Variants in NRXN2 observed in about 807,000 individuals in gnomAD.
The protein encoded by NRXN2 is neurexin 2.
In NRXN2, 29 loss-of-function variants were observed where a neutral mutation model predicts 128.8. The observed-to-expected ratio is 0.23, with a 90% CI of 0.17 to 0.31. The LOEUF (loss-of-function observed/expected upper bound fraction) is 0.31, where lower values mean the gene tolerates loss of function less well. Ranked by LOEUF, NRXN2 falls within the 10% of genes least tolerant of loss-of-function variation. NRXN2 has a pLI of 1.00. For synonymous variants in NRXN2, 1,098 were observed against 1,075.2 expected (o/e 1.02, Z -0.41); for missense variants, 1,881 against 2,452.6 (o/e 0.77, Z 4.92).
chr11:64,633,521 G>C (rs2044242321), intron 18 of NRXN2, among the ~76,000 whole-genome samples: 1 of 152,192 alleles, frequency 6.6e-6, no homozygotes, highest in African/African-American at 2.4e-5. Context: ...TGCAAGCCAT[G>C]CAGAGCTTCG....
At chr11:64,654,052 G>A (rs2047900191) in intron 11 of NRXN2, among the ~76,000 whole-genome samples, 1 of 152,176 alleles carries the variant, frequency 6.6e-6, no homozygotes, top group Non-Finnish European at 1.5e-5. Flanking sequence ...AGTCGTACAG[G>A]GGATCAATGG....
In NRXN2 at chr11:64,630,927, G is replaced by C. The variant is rs2043813824; in HGVS notation, c.3586-354C>G. 6.6e-6 allele frequency among the ~76,000 whole-genome samples: 1 copy of C among 152,220 alleles called. No individual in the cohort carries two copies. Among genetic ancestry groups the C allele is most frequent in the Admixed American group, 6.5e-5 (1 of 15,288 alleles). On this transcript the variant is annotated intron_variant, in intron 18 of 22. Transcript: ENST00000265459. This position sits in a 1 kb window ranked among gnomAD's most constrained non-coding sequence, Gnocchi z 4.6. ...GGGCCAAGCTGGGGACCAGCTCGGG[G>C]CATGGAGGGCAGAGGCCTCTCTAAG...
In NRXN2 at chr11:64,713,897, C is replaced by G. The variant is rs1484354205; in HGVS notation, c.-198G>C. 1 of 171,710 alleles carries G rather than the reference C, an allele frequency of 5.8e-6. No homozygotes were observed. The highest frequency in any genetic ancestry group is 1.8e-4 in the East Asian group (1 of 5,596). The allele number at this position is 171,710 out of a possible 1,614,324, so 10.6% of individuals were successfully genotyped here. A position where few individuals can be genotyped will look rare whatever the true frequency, so the allele number is the denominator to read the frequency against. ...GGCTTCCCTCAGGCGGCGGCGGCGGCGCCCCTCCCCCGCCGCGGGCTCCGA... is the reference window on the plus strand; with the variant it reads ...GGCTTCCCTCAGGCGGCGGCGGCGGGGCCCCTCCCCCGCCGCGGGCTCCGA... On this transcript the variant is annotated 5_prime_UTR_variant, in exon 2 of 23. Transcript: ENST00000265459.
rs2057179668 is a variant in NRXN2 at position 64,713,726 on chromosome 11, G to A, written c.-27C>T. The stretch of plus-strand genomic sequence containing the variant: ...CCTACGGCGGCCCCGGCCCCGCCCG[G>A]CCCCCGGCCCCCGCTCAGGCTTCAG... On this transcript the variant is annotated 5_prime_UTR_variant, in exon 2 of 23. Transcript: ENST00000265459. The A allele has an allele frequency of 9.7e-7, 1 of 1,030,540 alleles. No homozygotes were observed. The highest frequency in any genetic ancestry group is 1.2e-6 in the Non-Finnish European group (1 of 859,524). 63.8% of individuals were successfully genotyped at this position (1,030,540 alleles called of 1,614,324 possible). A position where few individuals can be genotyped will look rare whatever the true frequency, so the allele number is the denominator to read the frequency against.
chr11:64,665,227 G>T (rs1198416283), intron 9 of NRXN2, among the ~76,000 whole-genome samples: 1 of 151,564 alleles, frequency 6.6e-6, no homozygotes, highest in Non-Finnish European at 1.5e-5. Context: ...GTTGCAGTGA[G>T]CCGAGATCGC....
intron 17 of NRXN2, among the ~76,000 whole-genome samples, chr11:64,637,253 T>C (rs2044867344): frequency 1.3e-5 from 2 of 152,166 alleles, no homozygotes; most frequent in African/African-American, 4.8e-5. Context: ...GGCTTGGCTC[T>C]GCCCTCCCCA....
chr11:64,620,182 C>T, intron 22 of NRXN2, 112 bp downstream of exon 22: 1 of 812,774 alleles, frequency 1.2e-6, no homozygotes, highest in Non-Finnish European at 2.1e-6. Context: ...TCAGGGAAAG[C>T]TAAGGCCTGG....
At chr11:64,685,011 C>T (rs149086142) in intron 6 of NRXN2, among the ~76,000 whole-genome samples, 8 of 152,304 alleles carry the variant, frequency 5.3e-5, no homozygotes, top group Admixed American at 6.5e-5. Context: ...GCATGTCCTG[C>T]CCAGAGGAGA....
At chr11:64,692,803 TG>T in intron 4 of NRXN2, 43 bp downstream of exon 4, 1 of 1,612,112 alleles carries the variant, frequency 6.2e-7, no homozygotes, top group Non-Finnish European at 8.5e-7. Flanking sequence ...AGGCGCAGGT[TG>T]GGGGCAATCC....
chr11:64,614,084 G>C (rs1160756333), intron 22 of NRXN2, among the ~76,000 whole-genome samples: 1 of 152,086 alleles, frequency 6.6e-6, no homozygotes, highest in Non-Finnish European at 1.5e-5. Flanking sequence ...AGAATACAGA[G>C]AGCCCAGAAA....
Position 64,631,604 on chromosome 11 carries a change from A to G in NRXN2, c.3586-1031T>C, listed in dbSNP as rs559432087. Among the ~76,000 whole-genome samples the G allele has an allele frequency of 3.3e-5, 5 of 152,302 alleles. No individual in the cohort carries two copies. Among genetic ancestry groups the G allele is most frequent in the Non-Finnish European group, 5.9e-5 (4 of 68,026 alleles). ...ATCAAGAAAGAGACTGAGGCTCAGC[A>G]TAGTTAAATAACATCTCAAAATCTT... On this transcript the variant is annotated intron_variant, in intron 18 of 22. Coordinates refer to ENST00000265459, the MANE Select transcript of NRXN2 (RefSeq NM_015080.4). The surrounding 1 kb of genome is among the most constrained non-coding windows in gnomAD (Gnocchi z 4.8).
chr11:64,694,019 C>T (rs967956193), intron 3 of NRXN2, among the ~76,000 whole-genome samples: 1 of 152,178 alleles, frequency 6.6e-6, no homozygotes, highest in African/African-American at 2.4e-5. Context: ...AAGTACCCCT[C>T]CCCAGCCTTA....
intron 22 of NRXN2, among the ~76,000 whole-genome samples, chr11:64,614,781 T>A (rs1260920249): frequency 6.6e-6 from 1 of 152,250 alleles, no homozygotes; most frequent in Non-Finnish European, 1.5e-5. Context: ...AGATAAATGA[T>A]CCATTTAGTT....
At chr11:64,673,671 ACTTTT>A (rs1337567690) in intron 7 of NRXN2, among the ~76,000 whole-genome samples, 1 of 144,280 alleles carries the variant, frequency 6.9e-6, no homozygotes, top group East Asian at 1.9e-4. Context: ...AGTATTGTTT[ACTTTT>A]TTTTGTTTTG....
In NRXN2 at chr11:64,685,819, T is replaced by C. The variant is rs369100366; in HGVS notation, c.979A>G (p.Met327Val). The C allele has an allele frequency of 1.2e-6, 2 of 1,614,242 alleles. No individual in the cohort carries two copies. Among genetic ancestry groups the C allele is most frequent in the East Asian group, 2.2e-5 (1 of 44,886 alleles). ...AFRTLQRNGLMLHTGKSADYV... is the reference protein window; with the variant it reads ...AFRTLQRNGLVLHTGKSADYV... ...TCGGCCGACTTGCCTGTATGCAGCA[T>C]CAGGCCGTTGCGTTGCAGGGTGCGG... The change falls in exon 6 of 23, where the codon ATG becomes GTG. Residue 327 changes from methionine (M) to valine (V), a missense_variant. This residue lies in a region of NRXN2 where 997 missense variants were observed against 1,240.8 expected (regional missense o/e 0.80). Transcript: ENST00000265459.
rs551735659 is a variant in NRXN2 at position 64,718,545 on chromosome 11, C to A, written c.-245+4426G>T. 1.0e-3 allele frequency among the ~76,000 whole-genome samples: 156 copies of A among 152,260 alleles called. 1 individual carries two copies. The highest frequency in any genetic ancestry group is 3.7e-3 in the African/African-American group (152 of 41,544). On this transcript the variant is annotated intron_variant, in intron 1 of 22. Coordinates refer to ENST00000265459, the MANE Select transcript of NRXN2 (RefSeq NM_015080.4). ...GGCTAAAGAGAAACTTGCTGGCTGG[C>A]AATCTAAAGCATCCAACAGTGGAGT...
chr11:64,711,200 G>A (rs1434002027), intron 2 of NRXN2, among the ~76,000 whole-genome samples: 1 of 152,144 alleles, frequency 6.6e-6, no homozygotes, highest in African/African-American at 2.4e-5. Flanking sequence ...AAGCAGTGCC[G>A]GGCCACATTC....
chr11:64,710,211 GTTTC>G (rs912144514), intron 2 of NRXN2, among the ~76,000 whole-genome samples: 1 of 151,532 alleles, frequency 6.6e-6, no homozygotes, highest in African/African-American at 2.4e-5. Context: ...CCTGGCTCAC[GTTTC>G]TTTTTCTTAC....
Position 64,651,761 on chromosome 11 carries a change from C to A in NRXN2, c.2537-125G>T. The A allele has an allele frequency of 8.9e-7, 1 of 1,120,964 alleles. No individual in the cohort carries two copies. The highest frequency in any genetic ancestry group is 1.3e-6 in the Non-Finnish European group (1 of 774,930). 69.4% of individuals were successfully genotyped at this position (1,120,964 alleles called of 1,614,324 possible). A position where few individuals can be genotyped will look rare whatever the true frequency, so the allele number is the denominator to read the frequency against. ...GTGACATCTTTAGAGATGTCCTCGG[C>A]TAGGCACTAGCAGCCAGCACAGCTC... On this transcript the variant is annotated intron_variant, in intron 13 of 22. Transcript: ENST00000265459. The surrounding 1 kb of genome is among the most constrained non-coding windows in gnomAD (Gnocchi z 5.9).
Sources: allele counts gnomAD v4.1 joint callset (sites outside exome capture counted in the v4.1 genomes callset), GRCh38; gene constraint gnomAD v4.1.1; regional missense constraint gnomAD v4.1.1; non-coding constraint Gnocchi (gnomAD v3.1); transcripts MANE v1.5; gene names NCBI Gene and HGNC (gene_info 2026-07-23, HGNC 2026-07-21).